ATF6: variants seen among roughly 807,000 people sequenced by gnomAD.
ATF6 encodes activating transcription factor 6.
ATF6 carries 53 observed loss-of-function variants against 83.6 expected under a neutral mutation model. The observed-to-expected ratio is 0.63, with a 90% CI of 0.51 to 0.80. The LOEUF is 0.80. Among genes scored for constraint, ATF6 ranks in the 30% least tolerant of loss-of-function variants. The pLI, the probability that ATF6 is intolerant of heterozygous loss-of-function variation, is 0.00. For missense variants in ATF6, 744 were observed against 797.9 expected (o/e 0.93, Z 0.81); for synonymous variants, 288 against 285.8 (o/e 1.01, Z -0.08).
At chr1:161,801,170 G>T (rs1685134560) in intron 6 of ATF6, among the ~76,000 whole-genome samples, 1 of 151,972 alleles carries the variant, frequency 6.6e-6, no homozygotes, top group African/African-American at 2.4e-5. Context: ...AATAATTCTC[G>T]TCAGATTAGC....
intron 12 of ATF6, among the ~76,000 whole-genome samples, chr1:161,859,007 A>T (rs1032767638): frequency 6.6e-6 from 1 of 152,122 alleles, no homozygotes; most frequent in Non-Finnish European, 1.5e-5. Flanking sequence ...TTTCAACCTT[A>T]TATTTATCAA....
chr1:161,775,896 G>GTGTA (rs1553227147), intron 1 of ATF6, among the ~76,000 whole-genome samples: 2,964 of 149,884 alleles, frequency 0.02, 106 homozygotes, highest in African/African-American at 0.069. Flanking sequence ...ATACATGTGT[G>GTGTA]TATATATATA....
At chr1:161,869,218 G>A (rs1687072512) in intron 14 of ATF6, among the ~76,000 whole-genome samples, 1 of 151,932 alleles carries the variant, frequency 6.6e-6, no homozygotes, top group South Asian at 2.1e-4. Flanking sequence ...CCTAACACAT[G>A]AAGAATGGCA....
intron 14 of ATF6, among the ~76,000 whole-genome samples, chr1:161,883,719 A>T (rs1055334609): frequency 9.2e-5 from 14 of 152,050 alleles, no homozygotes; most frequent in African/African-American, 3.1e-4. Flanking sequence ...CATATAGATT[A>T]AAAAATTCTA....
intron 5 of ATF6, 70 bp from the exon 6 acceptor site, chr1:161,792,054 T>C: frequency 7.7e-7 from 1 of 1,294,460 alleles, no homozygotes; most frequent in Non-Finnish European, 1.1e-6. Flanking sequence ...AGGTGTGTGA[T>C]AGAATCTGTT....
chr1:161,846,724 A>G, intron 10 of ATF6, 144 bp downstream of exon 10: 1 of 789,026 alleles, frequency 1.3e-6, no homozygotes, highest in Non-Finnish European at 1.7e-6. Context: ...CCATTAATAC[A>G]TTTTACTTTT....
At chr1:161,958,223 C>T (rs913576258) in intron 15 of ATF6, among the ~76,000 whole-genome samples, 1 of 152,082 alleles carries the variant, frequency 6.6e-6, no homozygotes, top group Non-Finnish European at 1.5e-5. Flanking sequence ...GTTGTTTAGT[C>T]AATGGAGGTT....
At chr1:161,843,036 A>T (rs1686395201) in intron 9 of ATF6, among the ~76,000 whole-genome samples, 1 of 152,228 alleles carries the variant, frequency 6.6e-6, no homozygotes, top group Non-Finnish European at 1.5e-5. Context: ...AGTGTGGTAG[A>T]TGGCTGGAGC....
intron 7 of ATF6, among the ~76,000 whole-genome samples, chr1:161,808,696 C>T (rs1331392270): frequency 6.6e-6 from 1 of 151,952 alleles, no homozygotes; most frequent in African/African-American, 2.4e-5. Flanking sequence ...CCTCAGGCTC[C>T]TGAGTAGCTA....
chr1:161,828,379 T>A (rs1379427459), intron 9 of ATF6, among the ~76,000 whole-genome samples: 3 of 152,108 alleles, frequency 2.0e-5, no homozygotes, highest in African/African-American at 7.2e-5. Flanking sequence ...TAATAAAAGA[T>A]AAGATGAGTC....
chr1:161,829,350 G>A (rs573342334), intron 9 of ATF6, among the ~76,000 whole-genome samples: 1 of 151,940 alleles, frequency 6.6e-6, no homozygotes, highest in African/African-American at 2.4e-5. Context: ...ACAGATCAAC[G>A]AGACAGAAAG....
intron 12 of ATF6, among the ~76,000 whole-genome samples, chr1:161,853,949 G>A (rs1390218536): frequency 1.3e-5 from 2 of 152,156 alleles, no homozygotes; most frequent in Non-Finnish European, 2.9e-5. Flanking sequence ...AAAGTAATGG[G>A]TATGATAAAG....
At chr1:161,859,560 A>G (rs765185399) in intron 12 of ATF6, among the ~76,000 whole-genome samples, 1 of 152,228 alleles carries the variant, frequency 6.6e-6, no homozygotes, top group Admixed American at 6.5e-5. Flanking sequence ...ACTTGGTAAT[A>G]TGCCCTTGAA....
chr1:161,847,608 A>T (rs1686515397), intron 10 of ATF6, among the ~76,000 whole-genome samples: 1 of 152,144 alleles, frequency 6.6e-6, no homozygotes, highest in Non-Finnish European at 1.5e-5. Flanking sequence ...ACTTCTTAAA[A>T]TATTCACCTT....
chr1:161,798,819 A>C (rs1459483584), intron 6 of ATF6, among the ~76,000 whole-genome samples: 1 of 152,206 alleles, frequency 6.6e-6, no homozygotes, highest in Non-Finnish European at 1.5e-5. Flanking sequence ...AAGAAGACAT[A>C]GACATGGCCA....
intron 15 of ATF6, among the ~76,000 whole-genome samples, chr1:161,943,065 A>G (rs974104606): frequency 1.3e-5 from 2 of 152,172 alleles, no homozygotes; most frequent in Non-Finnish European, 2.9e-5. Context: ...CATGTTGGCC[A>G]TGCTGGTCAT....
intron 15 of ATF6, among the ~76,000 whole-genome samples, chr1:161,952,737 T>TG (rs2101920078): frequency 6.6e-6 from 1 of 152,340 alleles, no homozygotes; most frequent in South Asian, 2.1e-4. Context: ...ACGCTTGCAC[T>TG]GATCTGTACT....
chr1:161,833,800 G>A (rs554208871), intron 9 of ATF6, among the ~76,000 whole-genome samples: 3 of 152,290 alleles, frequency 2.0e-5, no homozygotes, highest in Non-Finnish European at 4.4e-5. Context: ...TGAAAGTGAT[G>A]GGGAGAATGG....
Position 161,766,341 on chromosome 1 carries a change from A to T in ATF6, c.-20A>T, listed in dbSNP as rs774727601. ...TCCCAGATATTAATCACGGAGTTCCAGGGAGAAGGAACTTGTGAAATGGGG... is the reference window on the plus strand; with the variant it reads ...TCCCAGATATTAATCACGGAGTTCCTGGGAGAAGGAACTTGTGAAATGGGG... On this transcript the variant is annotated 5_prime_UTR_variant, in exon 1 of 16. Transcript: ENST00000367942. 2.5e-6 allele frequency: 4 copies of T among 1,608,588 alleles called. No homozygotes were observed. In the East Asian group the frequency reaches 6.7e-5, roughly 27 times the overall value.
Sources: gnomAD v4.1 joint callset for allele counts (sites outside exome capture counted in the v4.1 genomes callset) on GRCh38, gnomAD v4.1.1 for gene constraint, MANE v1.5 for transcripts, NCBI Gene and HGNC (gene_info 2026-07-23, HGNC 2026-07-21) for gene names.